The following ANOS1 variants were observed in gnomAD, a reference collection of about 807,000 sequenced individuals.
ANOS1 encodes the protein anosmin-1.
In ANOS1, 6 loss-of-function variants were observed where a neutral mutation model predicts 59.0. The observed-to-expected ratio is 0.10, with a 90% CI of 0.06 to 0.20. ANOS1 has a LOEUF of 0.20. Among genes scored for constraint, ANOS1 ranks in the 10% least tolerant of loss-of-function variants. The pLI is 1.00. For missense variants in ANOS1, 433 were observed against 542.3 expected, an observed-to-expected ratio of 0.80 and a Z score of 2.00; for synonymous variants, 217 against 223.4, an observed-to-expected ratio of 0.97 and a Z score of 0.25.
At chrX:8,725,581 GAT>G (rs765778638) in intron 1 of ANOS1, among the ~76,000 whole-genome samples, 6 of 75,094 alleles carry the variant, frequency 8.0e-5, no homozygotes, top group South Asian at 6.3e-4. Context: ...CATATATACA[GAT>G]ATATATATAC....
chrX:8,659,233 A>AG (rs1252038647), intron 2 of ANOS1, among the ~76,000 whole-genome samples: 9 of 108,785 alleles, frequency 8.3e-5, no homozygotes, highest in Admixed American at 9.8e-5. Context: ...TCTCAATAAA[A>AG]AAAAAAAAAA....
In ANOS1 at chrX:8,568,389, A is replaced by G. The variant is rs747963394; in HGVS notation, c.1063-13T>C. The G allele has an allele frequency of 8.3e-7, 1 of 1,200,365 alleles. No individual in the cohort carries two copies. On this transcript the variant is annotated splice_polypyrimidine_tract_variant and intron_variant, in intron 7 of 13. Transcript: ENST00000262648. ...CAGAATTTTGAAACTAGAAATTAAG[A>G]GAATATACCCAAAATGCGTTACAAA...
At chrX:8,619,338 G>T (rs1212388697) in intron 3 of ANOS1, among the ~76,000 whole-genome samples, 1 of 111,660 alleles carries the variant, frequency 9.0e-6, no homozygotes, top group African/African-American at 3.3e-5. Flanking sequence ...GGGCAAGGTG[G>T]CTCACGCCTG....
intron 8 of ANOS1, among the ~76,000 whole-genome samples, chrX:8,556,314 A>G (rs1255688824): frequency 8.9e-6 from 1 of 111,977 alleles, no homozygotes; most frequent in African/African-American, 3.2e-5. Context: ...TCAACATAGT[A>G]TTGGAAGTTC....
chrX:8,635,782 C>T (rs190214315), intron 2 of ANOS1, among the ~76,000 whole-genome samples: 17 of 111,766 alleles, frequency 1.5e-4, no homozygotes, highest in Admixed American at 1.1e-3. Flanking sequence ...GTATATCCTT[C>T]GGCAGACTAT....
At chrX:8,596,612 T>C (rs1218588359) in intron 4 of ANOS1, among the ~76,000 whole-genome samples, 3 of 112,076 alleles carry the variant, frequency 2.7e-5, no homozygotes, top group African/African-American at 9.7e-5. Context: ...TGTTCTTGGG[T>C]CATATCGGCA....
rs2146807009 is a variant in ANOS1, at chrX:8,570,410, A to T, written c.1062+89T>A. 9.4e-6 allele frequency: 7 copies of T among 741,943 alleles called. No individual in the cohort carries two copies. The East Asian group carries it at 1.7e-4, about 18-fold the overall frequency. 61.1% of individuals were successfully genotyped at this position (741,943 alleles called of 1,213,427 possible). On this transcript the variant is annotated intron_variant, in intron 7 of 13. Transcript: ENST00000262648. ...CTTTCCTGCATCCATGGCATCTCTC[A>T]GTTTAGCAGAGGCCTCTTTTCAGGC... is the stretch of plus-strand genomic sequence containing the variant.
intron 4 of ANOS1, among the ~76,000 whole-genome samples, chrX:8,592,017 G>A (rs1314841132): frequency 1.8e-5 from 2 of 112,231 alleles, no homozygotes; most frequent in Admixed American, 1.9e-4. Flanking sequence ...GAAACATTCT[G>A]CTGAAATCAA....
At chrX:8,730,946 T>C (rs1932969932) in intron 1 of ANOS1, among the ~76,000 whole-genome samples, 1 of 110,266 alleles carries the variant, frequency 9.1e-6, no homozygotes, top group African/African-American at 3.3e-5. Flanking sequence ...CCCGCGGGGG[T>C]CCGCGCCACA....
chrX:8,638,569 T>C (rs922757521), intron 2 of ANOS1, among the ~76,000 whole-genome samples: 1 of 111,796 alleles, frequency 8.9e-6, no homozygotes, highest in African/African-American at 3.2e-5. Flanking sequence ...GAAGTACAGA[T>C]GGGGAGAACC....
At chrX:8,652,510 C>A (rs781036310) in intron 2 of ANOS1, among the ~76,000 whole-genome samples, 1 of 111,990 alleles carries the variant, frequency 8.9e-6, no homozygotes, top group South Asian at 3.8e-4. Flanking sequence ...AAAAGAAGAA[C>A]TTGATCAATT....
chrX:8,597,860 A>C (rs1930772046), intron 3 of ANOS1, among the ~76,000 whole-genome samples: 1 of 108,602 alleles, frequency 9.2e-6, no homozygotes, highest in Non-Finnish European at 1.9e-5. Flanking sequence ...TGTAGAAATG[A>C]GGTCTTGCTA....
chrX:8,575,012 T>C (rs748210503), intron 6 of ANOS1, among the ~76,000 whole-genome samples: 129 of 112,123 alleles, frequency 1.2e-3, no homozygotes, highest in Middle Eastern at 4.6e-3. Context: ...GAAGAGCACC[T>C]AGCACACAGT....
chrX:8,599,681 C>T (rs995599375), intron 3 of ANOS1, among the ~76,000 whole-genome samples: 12 of 111,468 alleles, frequency 1.1e-4, no homozygotes, highest in Non-Finnish European at 2.3e-4. Context: ...CCTGCCAAAC[C>T]TGCCAGCATG....
rs143681914 is a variant in ANOS1, at chrX:8,682,817, C to A, written c.255+16881G>T. On this transcript the variant is annotated intron_variant, in intron 2 of 13. Coordinates refer to ENST00000262648, the MANE Select transcript of ANOS1 (RefSeq NM_000216.4). ...TGAACCCTGAGAAAATACACACACA[C>A]AAAAAAAAGCAGAGTCATCTGGAAA... Among the ~76,000 whole-genome samples, 38 of 110,399 alleles carry A rather than the reference C, an allele frequency of 3.4e-4. No homozygotes were observed. In the South Asian group the frequency reaches 4.6e-3, roughly 13 times the overall value.
chrX:8,534,230 G>GT (rs1929549728), intron 13 of ANOS1, 89 bp downstream of exon 13: 1 of 935,319 alleles, frequency 1.1e-6, no homozygotes, highest in East Asian at 3.1e-5. Context: ...CTGTACTAGT[G>GT]TATTTATTTG....
In ANOS1 at chrX:8,626,582, G is replaced by A. The variant is rs184887993; in HGVS notation, c.256-2912C>T. Among the ~76,000 whole-genome samples the A allele has an allele frequency of 6.8e-4, 75 of 111,015 alleles. No homozygotes were observed. The East Asian group carries it at 0.016, about 23-fold the overall frequency. On this transcript the variant is annotated intron_variant, in intron 2 of 13. Transcript: ENST00000262648. Reference sequence around the variant, plus strand: ...TTGTTTAAAAACTTATCTAAAGGCCGGGCGCGGTGGCTCACGCCTGTAATC... The same window carrying A: ...TTGTTTAAAAACTTATCTAAAGGCCAGGCGCGGTGGCTCACGCCTGTAATC...
chrX:8,554,865 T>G (rs1929924347), intron 8 of ANOS1, among the ~76,000 whole-genome samples: 1 of 110,462 alleles, frequency 9.1e-6, no homozygotes, highest in South Asian at 3.8e-4. Context: ...AACTCAGCTC[T>G]GGACCAAGTG....
chrX:8,718,293 C>A (rs1375321190), intron 1 of ANOS1, among the ~76,000 whole-genome samples: 1 of 109,971 alleles, frequency 9.1e-6, no homozygotes, highest in African/African-American at 3.3e-5. Flanking sequence ...AACTCCTGGA[C>A]TCAAGCGATT....
Sources: gnomAD v4.1 joint callset for allele counts (sites outside exome capture counted in the v4.1 genomes callset) on GRCh38, gnomAD v4.1.1 for gene constraint, MANE v1.5 for transcripts, NCBI Gene and HGNC (gene_info 2026-07-23, HGNC 2026-07-21) for gene names.